Variants in FNDC3B observed in about 807,000 individuals in gnomAD.
FNDC3B encodes fibronectin type III domain-containing protein 3B.
Under a neutral mutation model 151.5 loss-of-function variants are expected in FNDC3B, and 12 were observed. That is an observed-to-expected ratio of 0.08 (90% CI 0.05 to 0.13). The LOEUF (loss-of-function observed/expected upper bound fraction) is 0.13. Among genes scored for constraint, FNDC3B ranks in the 10% least tolerant of loss-of-function variants. FNDC3B has a pLI of 1.00. For missense variants in FNDC3B, 1,214 were observed against 1,505.3 expected, an observed-to-expected ratio of 0.81 and a Z score of 3.20; for synonymous variants, 528 against 549.0, an observed-to-expected ratio of 0.96 and a Z score of 0.54.
At chr3:172,248,447 G>A (rs886947436) in intron 5 of FNDC3B, among the ~76,000 whole-genome samples, 1 of 152,148 alleles carries the variant, frequency 6.6e-6, no homozygotes, top group African/African-American at 2.4e-5. Context: ...TGACCCTGGT[G>A]TTGGTTTAGT....
chr3:172,191,501 G>T (rs1430219255), intron 3 of FNDC3B, among the ~76,000 whole-genome samples: 3 of 152,030 alleles, frequency 2.0e-5, no homozygotes, highest in Admixed American at 2.0e-4. Flanking sequence ...CAAATTCATT[G>T]TTGTTGTTTT....
At chr3:172,181,410 A>AC (rs1436884794) in intron 3 of FNDC3B, among the ~76,000 whole-genome samples, 20 of 144,110 alleles carry the variant, frequency 1.4e-4, no homozygotes, top group African/African-American at 2.3e-4. Flanking sequence ...AAAAAAAAAA[A>AC]AAAACAAAAA....
intron 6 of FNDC3B, among the ~76,000 whole-genome samples, chr3:172,262,673 C>T (rs574827006): frequency 4.6e-5 from 7 of 150,772 alleles, no homozygotes; most frequent in South Asian, 2.1e-4. Context: ...GAGGCCAAGG[C>T]GAGAGGATTG....
intron 11 of FNDC3B, among the ~76,000 whole-genome samples, chr3:172,328,070 A>G (rs566034732): frequency 6.6e-6 from 1 of 152,236 alleles, no homozygotes; most frequent in Non-Finnish European, 1.5e-5. Context: ...TGAGTGTGGC[A>G]TAGGGCGGTT....
At chr3:172,158,960 T>C (rs1338413667) in intron 3 of FNDC3B, among the ~76,000 whole-genome samples, 1 of 152,156 alleles carries the variant, frequency 6.6e-6, no homozygotes, top group Non-Finnish European at 1.5e-5. Context: ...ACTGTTTTCC[T>C]CCCTTGCATC....
At chr3:172,176,532 A>G (rs936611822) in intron 3 of FNDC3B, among the ~76,000 whole-genome samples, 12 of 152,224 alleles carry the variant, frequency 7.9e-5, no homozygotes, top group African/African-American at 2.7e-4. Context: ...CTACAACTGC[A>G]GATTTCATGT....
chr3:172,298,459 C>T (rs1730746714), intron 8 of FNDC3B, among the ~76,000 whole-genome samples: 1 of 152,108 alleles, frequency 6.6e-6, no homozygotes, highest in Non-Finnish European at 1.5e-5. Flanking sequence ...TATGTATTTA[C>T]TCGTAAGAAG....
At chr3:172,126,153 G>A (rs1443334164) in intron 2 of FNDC3B, among the ~76,000 whole-genome samples, 1 of 151,898 alleles carries the variant, frequency 6.6e-6, no homozygotes, top group African/African-American at 2.4e-5. Context: ...CCCAGATGGA[G>A]TTTCAACTTG....
chr3:172,189,457 T>C (rs1655113415), intron 3 of FNDC3B, among the ~76,000 whole-genome samples: 1 of 152,212 alleles, frequency 6.6e-6, no homozygotes, highest in Admixed American at 6.5e-5. Flanking sequence ...TGTTCTATTT[T>C]TGGAGTATGA....
At position 172,039,767 on chromosome 3, in the gene FNDC3B, G is replaced by C. The variant is rs1715922224; in HGVS notation, c.-33G>C. On this transcript the variant is annotated 5_prime_UTR_variant, in exon 1 of 26. Coordinates refer to ENST00000415807, the MANE Select transcript of FNDC3B (RefSeq NM_022763.4). Reference sequence around the variant, plus strand: ...CCAGAGCCCCGCGTTTCAGCCCTAGGGAAGGTAAGGCGTGCAAGAGCCGGG... The same window carrying C: ...CCAGAGCCCCGCGTTTCAGCCCTAGCGAAGGTAAGGCGTGCAAGAGCCGGG... 6.5e-6 allele frequency: 1 copy of C among 153,980 alleles called. No homozygotes were observed. Among genetic ancestry groups the C allele is most frequent in the Non-Finnish European group, 1.5e-5 (1 of 68,786 alleles). 9.5% of individuals were successfully genotyped at this position (153,980 alleles called of 1,614,324 possible).
intron 6 of FNDC3B, among the ~76,000 whole-genome samples, chr3:172,278,566 A>G (rs1416401154): frequency 1.3e-5 from 2 of 152,224 alleles, no homozygotes; most frequent in Non-Finnish European, 2.9e-5. Context: ...AAGCAAACAT[A>G]TCTACCTAAT....
chr3:172,041,315 C>T (rs1560377863), intron 1 of FNDC3B, among the ~76,000 whole-genome samples: 2 of 152,090 alleles, frequency 1.3e-5, no homozygotes, highest in East Asian at 3.9e-4. Flanking sequence ...TCCAGGCCTT[C>T]CTAGGGAAAG....
chr3:172,095,732 T>G (rs1412324579), intron 1 of FNDC3B, among the ~76,000 whole-genome samples: 1 of 152,160 alleles, frequency 6.6e-6, no homozygotes, highest in Non-Finnish European at 1.5e-5. Context: ...TCTACCTACT[T>G]TATCAAAATC....
chr3:172,358,064 T>G (rs1734184055), intron 22 of FNDC3B, among the ~76,000 whole-genome samples: 1 of 152,190 alleles, frequency 6.6e-6, no homozygotes, highest in South Asian at 2.1e-4. Flanking sequence ...TGTTACGATA[T>G]AAGAGTATGG....
At chr3:172,226,712 TG>T (rs1726600899) in intron 3 of FNDC3B, among the ~76,000 whole-genome samples, 158 bp from the exon 4 acceptor site, 1 of 152,240 alleles carries the variant, frequency 6.6e-6, no homozygotes, top group Non-Finnish European at 1.5e-5. Flanking sequence ...TTTTCATTCA[TG>T]GTTTCAGGTT....
At chr3:172,321,684 G>A in intron 11 of FNDC3B, 1 of 192,204 alleles carries the variant, frequency 5.2e-6, no homozygotes, top group South Asian at 1.2e-4. Context: ...GGGATTACAG[G>A]CATGCACCAC....
rs570983972 is a variant in FNDC3B, at chr3:172,095,979, C to G, written c.-28-16473C>G. On this transcript the variant is annotated intron_variant, in intron 1 of 25. Coordinates refer to ENST00000415807, the MANE Select transcript of FNDC3B (RefSeq NM_022763.4). ...GTTTTGCATTGTATGGATAAAATAC[C>G]TTCCAAGTTTTCACTGTTTCATACT... Among the ~76,000 whole-genome samples the G allele has an allele frequency of 2.6e-5, 4 of 152,236 alleles. No individual in the cohort carries two copies. The East Asian group carries it at 5.8e-4, about 22-fold the overall frequency.
chr3:172,153,425 T>TCCA (rs1722332238), intron 3 of FNDC3B, among the ~76,000 whole-genome samples: 2 of 152,192 alleles, frequency 1.3e-5, no homozygotes, highest in South Asian at 4.1e-4. Context: ...TGCTGCACGC[T>TCCA]GCCTTGCTCC....
chr3:172,276,368 A>C (rs1729433155), intron 6 of FNDC3B, among the ~76,000 whole-genome samples: 1 of 152,232 alleles, frequency 6.6e-6, no homozygotes, highest in Non-Finnish European at 1.5e-5. Context: ...TGTCCAAAAA[A>C]TAATGATGGT....
Sources: allele counts gnomAD v4.1 joint callset (sites outside exome capture counted in the v4.1 genomes callset), GRCh38; gene constraint gnomAD v4.1.1; transcripts MANE v1.5; gene names NCBI Gene and HGNC (gene_info 2026-07-23, HGNC 2026-07-21).